The following GPC6 variants were observed in gnomAD, a reference collection of about 807,000 sequenced individuals.
GPC6 encodes the protein glypican 6.
Under a neutral mutation model 55.2 loss-of-function variants are expected in GPC6, and 14 were observed. The ratio of observed to expected loss-of-function variants is 0.25; its 90% CI spans 0.17 to 0.40. GPC6 has a LOEUF of 0.40. Among genes scored for constraint, GPC6 ranks in the 10% least tolerant of loss-of-function variants. The pLI, the probability that GPC6 is intolerant of heterozygous loss-of-function variation, is 1.00. For synonymous variants in GPC6, 278 were observed against 259.6 expected (o/e 1.07, Z -0.68); for missense variants, 641 against 708.5 (o/e 0.90, Z 1.08).
At chr13:93,843,920 T>C (rs893841223) in intron 3 of GPC6, among the ~76,000 whole-genome samples, 1 of 152,190 alleles carries the variant, frequency 6.6e-6, no homozygotes, top group Admixed American at 6.6e-5. Context: ...AAAAGTGTAA[T>C]CCAAATAAGC....
chr13:94,084,197 C>T (rs551970338), intron 4 of GPC6, among the ~76,000 whole-genome samples: 2 of 152,138 alleles, frequency 1.3e-5, no homozygotes, highest in Admixed American at 6.5e-5. Flanking sequence ...TTTTTATTTA[C>T]TGCACATAAA....
intron 1 of GPC6, among the ~76,000 whole-genome samples, chr13:93,289,538 A>G (rs1226254873): frequency 6.6e-6 from 1 of 152,190 alleles, no homozygotes; most frequent in Non-Finnish European, 1.5e-5. Flanking sequence ...TGTAGTATAT[A>G]AATATTTATA....
intron 6 of GPC6, among the ~76,000 whole-genome samples, chr13:94,364,004 TA>T (rs1350570773): frequency 1.4e-4 from 22 of 152,238 alleles, no homozygotes; most frequent in Admixed American, 1.4e-3. Flanking sequence ...AAACAAAACA[TA>T]ACATTGAAGT....
chr13:93,228,486 C>T (rs1390746558), intron 1 of GPC6, among the ~76,000 whole-genome samples: 1 of 152,170 alleles, frequency 6.6e-6, no homozygotes, highest in Non-Finnish European at 1.5e-5. Flanking sequence ...AGCTTGAGAG[C>T]GCCCACCCTT....
At chr13:93,547,881 T>C (rs1298679360) in intron 2 of GPC6, among the ~76,000 whole-genome samples, 1 of 152,198 alleles carries the variant, frequency 6.6e-6, no homozygotes, top group Non-Finnish European at 1.5e-5. Context: ...GGGTCAGTTA[T>C]ACACTGGTAT....
intron 2 of GPC6, among the ~76,000 whole-genome samples, chr13:93,821,172 G>C (rs1887032977): frequency 6.6e-6 from 1 of 152,136 alleles, no homozygotes; most frequent in Admixed American, 6.5e-5. Flanking sequence ...TAAAGTCTCT[G>C]TGATATATCA....
chr13:93,382,930 C>CCCCCA (rs1235631176), intron 1 of GPC6, among the ~76,000 whole-genome samples: 1 of 152,122 alleles, frequency 6.6e-6, no homozygotes, highest in Admixed American at 6.5e-5. Context: ...CTCTCTTCTG[C>CCCCCA]CCCCACCCAT....
intron 1 of GPC6, among the ~76,000 whole-genome samples, chr13:93,402,145 A>AT (rs953040483): frequency 2.0e-5 from 3 of 152,166 alleles, no homozygotes; most frequent in East Asian, 3.9e-4. Context: ...CTTCTAGGGG[A>AT]TTTTTTAACA....
chr13:93,451,305 A>C (rs959196085), intron 1 of GPC6, among the ~76,000 whole-genome samples: 2 of 152,232 alleles, frequency 1.3e-5, no homozygotes, highest in Non-Finnish European at 2.9e-5. Flanking sequence ...CTCTATGTGT[A>C]GTTCCTCATC....
chr13:93,313,927 C>A (rs1415845937), intron 1 of GPC6, among the ~76,000 whole-genome samples: 2 of 152,116 alleles, frequency 1.3e-5, no homozygotes, highest in Non-Finnish European at 2.9e-5. Flanking sequence ...ACTGTGCAAC[C>A]TTTTCTGTAT....
chr13:93,789,422 G>A lies in GPC6; in HGVS notation c.320-40732G>A, dbSNP rs9589832. On this transcript the variant is annotated intron_variant, in intron 2 of 8. Transcript: ENST00000377047. The stretch of plus-strand genomic sequence containing the variant: ...GTCAAGTGTACCTATCATTACAGTA[G>A]AGGACTTAAATATGTGAGTGTACCT... Among the ~76,000 whole-genome samples, 511 of 149,214 alleles carry A rather than the reference G, an allele frequency of 3.4e-3. 2 individuals carry two copies. The highest frequency in any genetic ancestry group is 6.1e-3 in the Non-Finnish European group (410 of 67,492).
intron 6 of GPC6, among the ~76,000 whole-genome samples, chr13:94,328,866 G>T (rs555852781): frequency 6.6e-6 from 1 of 152,158 alleles, no homozygotes; most frequent in African/African-American, 2.4e-5. Context: ...CCAAGCCTTC[G>T]TTTGCTCATC....
intron 1 of GPC6, among the ~76,000 whole-genome samples, chr13:93,356,038 G>A (rs75883769): frequency 0.019 from 2,893 of 152,188 alleles, 57 homozygotes; most frequent in South Asian, 0.044. Context: ...GTTTAAAGGG[G>A]AGGAGGAGTT....
intron 4 of GPC6, among the ~76,000 whole-genome samples, chr13:94,222,954 G>A (rs139409301): frequency 0.013 from 2,024 of 152,078 alleles, 24 homozygotes; most frequent in Non-Finnish European, 0.021. Context: ...CAAATTCAGA[G>A]ATAGCCCCTC....
intron 2 of GPC6, among the ~76,000 whole-genome samples, chr13:93,654,937 C>T (rs967450946): frequency 1.3e-5 from 2 of 150,132 alleles, no homozygotes; most frequent in African/African-American, 4.9e-5. Flanking sequence ...CCCGGGTTCA[C>T]GCCATTCTCC....
chr13:93,717,853 G>A lies in GPC6; in HGVS notation c.320-112301G>A, dbSNP rs917287809. Among the ~76,000 whole-genome samples the A allele has an allele frequency of 1.5e-4, 23 of 151,618 alleles. 1 individual carries two copies. The highest frequency in any genetic ancestry group is 5.6e-4 in the African/African-American group (23 of 41,382). On this transcript the variant is annotated intron_variant, in intron 2 of 8. Coordinates refer to ENST00000377047, the MANE Select transcript of GPC6 (RefSeq NM_005708.5). ...TCAACTCCCACATATTAGTGAGAAC[G>A]TGCAGTGTTTGGTTTTCTGTTCCTG...
chr13:93,298,892 C>G (rs1000624880), intron 1 of GPC6, among the ~76,000 whole-genome samples: 3 of 149,988 alleles, frequency 2.0e-5, no homozygotes, highest in African/African-American at 7.4e-5. Context: ...TAGCACTTTT[C>G]TCTTAGGGTT....
rs117405574 is a variant in GPC6, at chr13:94,299,338, C to G, written c.1009-6642C>G. ...GAGAATTGGGGAGAACATTGTAACC[C>G]CAAGGTCACACAAGTATTAGGAGAA... is the stretch of plus-strand genomic sequence containing the variant. On this transcript the variant is annotated intron_variant, in intron 5 of 8. Coordinates refer to ENST00000377047, the MANE Select transcript of GPC6 (RefSeq NM_005708.5). 9.2e-3 allele frequency among the ~76,000 whole-genome samples: 1,398 copies of G among 152,302 alleles called. 15 individuals are homozygous for G. Among genetic ancestry groups the G allele is most frequent in the South Asian group, 0.024 (116 of 4,828 alleles).
At chr13:94,174,261 C>T (rs1199837200) in intron 4 of GPC6, among the ~76,000 whole-genome samples, 1 of 151,938 alleles carries the variant, frequency 6.6e-6, no homozygotes. Context: ...GTTCTTATAA[C>T]CTAGTTAGGT....
Sources: allele counts gnomAD v4.1 joint callset (sites outside exome capture counted in the v4.1 genomes callset), GRCh38; gene constraint gnomAD v4.1.1; transcripts MANE v1.5; gene names NCBI Gene and HGNC (gene_info 2026-07-23, HGNC 2026-07-21).